Variants in CLPTM1L observed in about 807,000 individuals in gnomAD.
CLPTM1L encodes CLPTM1 like, also known as lipid scramblase CLPTM1L.
In CLPTM1L, 38 loss-of-function variants were observed where a neutral mutation model predicts 70.9. The observed-to-expected ratio is 0.54, with a 90% CI of 0.41 to 0.70. CLPTM1L has a LOEUF of 0.70. Ranked by LOEUF, CLPTM1L falls within the 30% of genes least tolerant of loss-of-function variation. CLPTM1L has a pLI of 0.00. For missense variants in CLPTM1L, 652 were observed against 705.9 expected (o/e 0.92, Z 0.87); for synonymous variants, 339 against 299.9 (o/e 1.13, Z -1.35).
intron 7 of CLPTM1L, among the ~76,000 whole-genome samples, chr5:1,333,655 C>T (rs1178462026): frequency 9.5e-6 from 1 of 105,028 alleles, no homozygotes; most frequent in Non-Finnish European, 1.8e-5. Flanking sequence ...CTACTGTATA[C>T]ACACCGGCTG....
rs143530499 is a variant in CLPTM1L at position 1,331,825 on chromosome 5, C to CTCT, written c.947_949dup (p.Lys316dup). Reference sequence around the variant, plus strand: ...TGCCTTGGTGGACATGCCGATCATGCTCTTCTTCTTCTTCCAGAAACTGAT... The same window carrying CTCT: ...TGCCTTGGTGGACATGCCGATCATGCTCTTCTTCTTCTTCTTCCAGAAACTGAT... On this transcript the variant is annotated inframe_insertion, in exon 8 of 17. Transcript: ENST00000320895. 3 of 1,613,390 alleles carry CTCT rather than the reference C, an allele frequency of 1.9e-6. No individual in the cohort carries two copies. Among genetic ancestry groups the CTCT allele is most frequent in the Non-Finnish European group, 1.7e-6 (2 of 1,179,952 alleles).
chr5:1,325,893 C>T (rs528375664), intron 9 of CLPTM1L, 77 bp from the exon 10 acceptor site: 170 of 1,240,652 alleles, frequency 1.4e-4, no homozygotes, highest in Non-Finnish European at 1.5e-4. Context: ...CAGACAGTAA[C>T]GGGTAGGACC....
At chr5:1,343,622 CAGGA>C (rs1754086859) in intron 2 of CLPTM1L, among the ~76,000 whole-genome samples, 2 of 152,222 alleles carry the variant, frequency 1.3e-5, no homozygotes, top group Non-Finnish European at 2.9e-5. Flanking sequence ...AGAGAGAGGG[CAGGA>C]ACTGGCTTGA....
chr5:1,329,447 C>T (rs904514730), intron 9 of CLPTM1L, among the ~76,000 whole-genome samples: 1 of 151,574 alleles, frequency 6.6e-6, no homozygotes, highest in Admixed American at 6.6e-5. Flanking sequence ...GGCCTCAGGA[C>T]TCACCACTGC....
At position 1,318,580 on chromosome 5, in the gene CLPTM1L, G is replaced by A. The variant is rs1029694995; in HGVS notation, c.1533-127C>T. On this transcript the variant is annotated intron_variant, in intron 16 of 16. Transcript: ENST00000320895. This position sits in a 1 kb window ranked among gnomAD's most constrained non-coding sequence, Gnocchi z 8.9. ...CAGTGAGCAAATTAACTAAAAAGTC[G>A]AATCCTCAGAAGTTTTACTGCCGAG... 16 of 738,758 alleles carry A rather than the reference G, an allele frequency of 2.2e-5. No individual in the cohort carries two copies. The highest frequency in any genetic ancestry group is 1.2e-4 in the African/African-American group (7 of 56,914). 45.8% of individuals were successfully genotyped at this position (738,758 alleles called of 1,614,324 possible). A position where few individuals can be genotyped will look rare whatever the true frequency, so the allele number is the denominator to read the frequency against.
At chr5:1,341,953 T>A in intron 2 of CLPTM1L, 93 bp from the exon 3 acceptor site, 1 of 1,019,962 alleles carries the variant, frequency 9.8e-7, no homozygotes, top group South Asian at 1.7e-5. Context: ...TTCAATAAAC[T>A]AATTTTAGCT....
chr5:1,331,628 G>C (rs528007524), intron 8 of CLPTM1L, 171 bp downstream of exon 8: 1 of 620,862 alleles, frequency 1.6e-6, no homozygotes, highest in African/African-American at 1.8e-5. Context: ...CACAATTGCC[G>C]CAACGGCTCC....
chr5:1,342,021 T>C lies in CLPTM1L; in HGVS notation c.264-161A>G, dbSNP rs1753969252. Among the ~76,000 whole-genome samples, 3 of 128,516 alleles carry C rather than the reference T, an allele frequency of 2.3e-5. No homozygotes were observed. Among genetic ancestry groups the C allele is most frequent in the African/African-American group, 1.0e-4 (3 of 29,456 alleles). 84.3% of individuals were successfully genotyped at this position (128,516 alleles called of 152,430 possible). On this transcript the variant is annotated intron_variant, in intron 2 of 16. Coordinates refer to ENST00000320895, the MANE Select transcript of CLPTM1L (RefSeq NM_030782.5). This position sits in a 1 kb window ranked among gnomAD's most constrained non-coding sequence, Gnocchi z 4.3. The stretch of plus-strand genomic sequence containing the variant: ...GGGCTTTACGAGTCGTGTGTGTGTG[T>C]GTGTGTGTGTGTGTGTGTGCACGCG...
rs1751991306 is a variant in CLPTM1L, at chr5:1,318,950, A to G, written c.1533-497T>C. 1.3e-5 allele frequency among the ~76,000 whole-genome samples: 2 copies of G among 152,188 alleles called. No homozygotes were observed. The highest frequency in any genetic ancestry group is 4.8e-5 in the African/African-American group (2 of 41,450). On this transcript the variant is annotated intron_variant, in intron 16 of 16. Transcript: ENST00000320895. This position sits in a 1 kb window ranked among gnomAD's most constrained non-coding sequence, Gnocchi z 8.9. The stretch of plus-strand genomic sequence containing the variant: ...GCTGTGGCATAAGGGGCAGCTCTAC[A>G]CGGCCGCGAACAGAAGTACAGGGTT...
intron 9 of CLPTM1L, among the ~76,000 whole-genome samples, chr5:1,327,984 C>T (rs1440440602): frequency 6.4e-5 from 1 of 15,564 alleles, no homozygotes; most frequent in Non-Finnish European, 1.3e-4. Flanking sequence ...CAGACACATT[C>T]CATCCAGCTC....
rs367867057 is a variant in CLPTM1L, at chr5:1,332,110, C to T, written c.892-227G>A. On this transcript the variant is annotated intron_variant, in intron 7 of 16. Coordinates refer to ENST00000320895, the MANE Select transcript of CLPTM1L (RefSeq NM_030782.5). ...TTGCAGGGGCACTTCTGAAATAATA[C>T]GTACCTTTGACTTGAACTGCTGGAA... 3.4e-5 allele frequency: 19 copies of T among 563,262 alleles called. No homozygotes were observed. In the East Asian group the frequency reaches 3.8e-4, roughly 11 times the overall value. 34.9% of individuals were successfully genotyped at this position (563,262 alleles called of 1,614,324 possible). A position where few individuals can be genotyped will look rare whatever the true frequency, so the allele number is the denominator to read the frequency against.
intron 5 of CLPTM1L, among the ~76,000 whole-genome samples, chr5:1,336,558 C>T (rs915281501): frequency 6.6e-5 from 10 of 152,240 alleles, no homozygotes; most frequent in African/African-American, 2.4e-4. Flanking sequence ...AAGAGGTGAC[C>T]ACGAGCTGGT....
At chr5:1,333,088 CGGATGA>C (rs1177806688) in intron 7 of CLPTM1L, among the ~76,000 whole-genome samples, 11 of 66,364 alleles carry the variant, frequency 1.7e-4, no homozygotes, top group Admixed American at 3.2e-4. Context: ...GTATACACAC[CGGATGA>C]GGATAAGGGG....
chr5:1,333,698 A>ACGGG (rs1753339996), intron 7 of CLPTM1L, among the ~76,000 whole-genome samples: 1 of 84,004 alleles, frequency 1.2e-5, no homozygotes, highest in Non-Finnish European at 2.3e-5. Flanking sequence ...GACACACCGC[A>ACGGG]AGAGGATAAG....
rs1241858696 is a variant in CLPTM1L, at chr5:1,342,156, ACCT to A, written c.264-299_264-297del. Among the ~76,000 whole-genome samples the A allele has an allele frequency of 6.6e-6, 1 of 151,958 alleles. No individual in the cohort carries two copies. The highest frequency in any genetic ancestry group is 1.5e-5 in the Non-Finnish European group (1 of 67,982). On this transcript the variant is annotated intron_variant, in intron 2 of 16. Coordinates refer to ENST00000320895, the MANE Select transcript of CLPTM1L (RefSeq NM_030782.5). The surrounding 1 kb of genome is among the most constrained non-coding windows in gnomAD (Gnocchi z 4.3). Reference sequence around the variant, plus strand: ...CAGGAGGCTGAGAGGTCAATAACCCACCTGAGGCCACAAGGCTGAAGCAGCCAG... The same window carrying A: ...CAGGAGGCTGAGAGGTCAATAACCCAGAGGCCACAAGGCTGAAGCAGCCAG...
intron 11 of CLPTM1L, 46 bp downstream of exon 11, chr5:1,324,717 T>C (rs370465101): frequency 1.7e-4 from 262 of 1,558,616 alleles, no homozygotes; most frequent in Admixed American, 3.3e-4. Context: ...TTTGAGGGTG[T>C]TGGATTTGCC....
chr5:1,322,782 A>AG (rs1210719827), intron 13 of CLPTM1L, 95 bp downstream of exon 13: 4 of 1,300,848 alleles, frequency 3.1e-6, no homozygotes, highest in Non-Finnish European at 4.5e-6. Context: ...CTCAAATCAC[A>AG]GGGGGGCTTG....
intron 13 of CLPTM1L, 65 bp from the exon 14 acceptor site, chr5:1,321,884 G>A (rs927791839): frequency 9.4e-6 from 14 of 1,485,074 alleles, no homozygotes; most frequent in South Asian, 5.9e-5. Context: ...ACGCACAGAC[G>A]GCACTCACGA....
chr5:1,324,974 G>A (rs1042516693), intron 10 of CLPTM1L, 161 bp from the exon 11 acceptor site: 24 of 652,338 alleles, frequency 3.7e-5, no homozygotes, highest in South Asian at 5.4e-5. Flanking sequence ...CCCAGAGGAC[G>A]GGGATCCGCA....
Sources: gnomAD v4.1 joint callset for allele counts (sites outside exome capture counted in the v4.1 genomes callset) on GRCh38, gnomAD v4.1.1 for gene constraint, Gnocchi (gnomAD v3.1) non-coding constraint, MANE v1.5 for transcripts, NCBI Gene and HGNC (gene_info 2026-07-23, HGNC 2026-07-21) for gene names.